Variants in STAC observed in about 807,000 individuals in gnomAD.
STAC encodes SH3 and cysteine rich domain.
In STAC, 43 loss-of-function variants were observed where a neutral mutation model predicts 48.8. That is an observed-to-expected ratio of 0.88 (90% CI 0.69 to 1.14). The LOEUF is 1.14. Among genes scored for constraint, STAC ranks in the 50% most tolerant of loss-of-function variants. The pLI, the probability that STAC is intolerant of heterozygous loss-of-function variation, is 0.00. For synonymous variants in STAC, 193 were observed against 179.5 expected (o/e 1.07, Z -0.60); for missense variants, 497 against 504.0 (o/e 0.99, Z 0.13).
At chr3:36,524,099 T>C (rs540582048) in intron 8 of STAC, among the ~76,000 whole-genome samples, 2 of 152,048 alleles carry the variant, frequency 1.3e-5, no homozygotes, top group East Asian at 3.9e-4. Flanking sequence ...TTTTCACAGG[T>C]TCCAGGGCAC....
chr3:36,482,140 AT>A (rs1697665089), intron 2 of STAC, among the ~76,000 whole-genome samples: 1 of 152,210 alleles, frequency 6.6e-6, no homozygotes, highest in South Asian at 2.1e-4. Flanking sequence ...AGCAGATGGC[AT>A]TCTCTTGTCT....
In STAC at chr3:36,492,031, A is replaced by AATATATATATATAT. The variant is rs11267408; in HGVS notation, c.688-1097_688-1084dup. ...AAAAAAAAAAAAAAAAAAAAAAAAA[A>AATATATATATATAT]ATATATATATATATATATATATATA... On this transcript the variant is annotated intron_variant, in intron 5 of 10. Coordinates refer to ENST00000273183, the MANE Select transcript of STAC (RefSeq NM_003149.3). 2.6e-3 allele frequency among the ~76,000 whole-genome samples: 43 copies of AATATATATATATAT among 16,430 alleles called. 1 individual carries two copies. The highest frequency in any genetic ancestry group is 3.3e-3 in the Admixed American group (3 of 908). 10.8% of individuals were successfully genotyped at this position (16,430 alleles called of 152,430 possible). A position where few individuals can be genotyped will look rare whatever the true frequency, so the allele number is the denominator to read the frequency against.
chr3:36,466,152 G>A (rs1156800916), intron 2 of STAC, among the ~76,000 whole-genome samples: 1 of 152,094 alleles, frequency 6.6e-6, no homozygotes, highest in African/African-American at 2.4e-5. Context: ...TGTTGAATAG[G>A]ATGTCTTTTC....
chr3:36,543,360 G>A (rs917002955), intron 10 of STAC, among the ~76,000 whole-genome samples: 37 of 152,098 alleles, frequency 2.4e-4, no homozygotes, highest in Admixed American at 2.2e-3. Context: ...GAGTCAAAGC[G>A]GCTGAAGCCT....
At chr3:36,395,563 G>A (rs959130330) in intron 1 of STAC, among the ~76,000 whole-genome samples, 7 of 152,248 alleles carry the variant, frequency 4.6e-5, no homozygotes, top group African/African-American at 1.7e-4. Context: ...CAGAATACAT[G>A]AATAGAGATT....
intron 2 of STAC, among the ~76,000 whole-genome samples, chr3:36,467,205 T>C (rs894283818): frequency 1.3e-5 from 2 of 152,158 alleles, no homozygotes; most frequent in African/African-American, 2.4e-5. Context: ...TACTTGATCA[T>C]GGTAAATTAT....
intron 1 of STAC, among the ~76,000 whole-genome samples, chr3:36,414,407 C>T (rs893257254): frequency 2.6e-5 from 4 of 152,110 alleles, no homozygotes; most frequent in Admixed American, 1.3e-4. Flanking sequence ...CTTATCTTCT[C>T]GCTTCATTTC....
At chr3:36,380,777 A>C in intron 1 of STAC, 23 bp downstream of exon 1, 1 of 1,572,614 alleles carries the variant, frequency 6.4e-7, no homozygotes, top group East Asian at 2.3e-5. Flanking sequence ...CTTGCCCCCA[A>C]GAGAACACAA....
intron 2 of STAC, among the ~76,000 whole-genome samples, chr3:36,446,697 T>C (rs1696516629): frequency 1.3e-5 from 2 of 152,214 alleles, no homozygotes; most frequent in South Asian, 4.1e-4. Flanking sequence ...CTTCATCAAA[T>C]AAGGAGATGT....
At chr3:36,458,567 C>T (rs192810094) in intron 2 of STAC, among the ~76,000 whole-genome samples, 1 of 152,244 alleles carries the variant, frequency 6.6e-6, no homozygotes, top group East Asian at 1.9e-4. Flanking sequence ...TATTTTAATT[C>T]CAGCTCTGCG....
chr3:36,412,786 C>G (rs58177147), intron 1 of STAC, among the ~76,000 whole-genome samples: 2 of 152,056 alleles, frequency 1.3e-5, no homozygotes, highest in South Asian at 2.1e-4. Context: ...TAAAATATTA[C>G]GTATTTTTTT....
intron 10 of STAC, among the ~76,000 whole-genome samples, chr3:36,538,347 T>G (rs1699246341): frequency 6.6e-6 from 1 of 152,184 alleles, no homozygotes; most frequent in African/African-American, 2.4e-5. Flanking sequence ...TATTTAGCAT[T>G]TGGCCCTTTA....
At chr3:36,393,508 T>C (rs1699794241) in intron 1 of STAC, among the ~76,000 whole-genome samples, 1 of 151,980 alleles carries the variant, frequency 6.6e-6, no homozygotes. Flanking sequence ...GTAGACTGAC[T>C]GCTATGGGCT....
chr3:36,389,998 A>G (rs1699715473), intron 1 of STAC, among the ~76,000 whole-genome samples: 1 of 152,154 alleles, frequency 6.6e-6, no homozygotes, highest in Admixed American at 6.5e-5. Flanking sequence ...GTGGGTAGGG[A>G]CAGGGGTTTA....
intron 10 of STAC, among the ~76,000 whole-genome samples, chr3:36,538,397 A>G (rs1389767634): frequency 6.6e-6 from 1 of 152,198 alleles, no homozygotes; most frequent in Non-Finnish European, 1.5e-5. Flanking sequence ...ATGTACAGGA[A>G]TGTGTTTAAG....
chr3:36,393,699 G>A (rs1047881327), intron 1 of STAC, among the ~76,000 whole-genome samples: 2 of 148,702 alleles, frequency 1.3e-5, no homozygotes, highest in Non-Finnish European at 1.5e-5. Flanking sequence ...TCATGTGAGC[G>A]TGTAGCAGAA....
chr3:36,491,980 G>A (rs1697978832), intron 5 of STAC, among the ~76,000 whole-genome samples: 1 of 113,624 alleles, frequency 8.8e-6, no homozygotes. Flanking sequence ...TCCAGCCTGG[G>A]TGACAGAGCA....
At chr3:36,517,839 A>G (rs1698710699) in intron 8 of STAC, among the ~76,000 whole-genome samples, 2 of 152,020 alleles carry the variant, frequency 1.3e-5, no homozygotes, top group Non-Finnish European at 2.9e-5. Flanking sequence ...ACATGTAAAT[A>G]ACCTCCCACA....
At chr3:36,537,613 C>G (rs926954568) in intron 10 of STAC, among the ~76,000 whole-genome samples, 1 of 152,032 alleles carries the variant, frequency 6.6e-6, no homozygotes, top group Non-Finnish European at 1.5e-5. Context: ...GGCTTAATAC[C>G]TAGGTGATGG....
Sources: allele counts gnomAD v4.1 joint callset (sites outside exome capture counted in the v4.1 genomes callset), GRCh38; gene constraint gnomAD v4.1.1; transcripts MANE v1.5; gene names NCBI Gene and HGNC (gene_info 2026-07-23, HGNC 2026-07-21).